The following AP4S1 variants were observed in gnomAD, a reference collection of about 807,000 sequenced individuals.
AP4S1 encodes the protein AP-4 complex subunit sigma-1.
AP4S1 carries 23 observed loss-of-function variants against 19.8 expected under a neutral mutation model. The observed-to-expected ratio is 1.16, with a 90% CI of 0.84 to 1.65. The LOEUF is 1.65. Among genes scored for constraint, AP4S1 ranks in the 40% most tolerant of loss-of-function variants. The pLI is 0.00. For missense variants in AP4S1, 166 were observed against 172.8 expected, an observed-to-expected ratio of 0.96 and a Z score of 0.22; for synonymous variants, 46 against 54.1, an observed-to-expected ratio of 0.85 and a Z score of 0.66.
At chr14:31,074,312 G>A (rs111969642) in intron 4 of AP4S1, among the ~76,000 whole-genome samples, 16,035 of 148,170 alleles carry the variant, frequency 0.11, 2,919 homozygotes, top group African/African-American at 0.37. Flanking sequence ...GTGACAGGGC[G>A]AGACTCCGTC....
intron 5 of AP4S1, among the ~76,000 whole-genome samples, chr14:31,089,111 G>A (rs1451629123): frequency 6.8e-6 from 1 of 148,056 alleles, no homozygotes; most frequent in African/African-American, 2.5e-5. Context: ...AGTGAGCCAA[G>A]ATTGTGCCAC....
intron 5 of AP4S1, among the ~76,000 whole-genome samples, chr14:31,082,667 C>T (rs1437024362): frequency 6.6e-6 from 1 of 152,032 alleles, no homozygotes; most frequent in Non-Finnish European, 1.5e-5. Context: ...GAGGCCGAGG[C>T]GGGTGGATCA....
chr14:31,041,948 C>T (rs1885134184), intron 1 of AP4S1, among the ~76,000 whole-genome samples: 1 of 152,214 alleles, frequency 6.6e-6, no homozygotes, highest in South Asian at 2.1e-4. Flanking sequence ...CCTGCTTCAG[C>T]CTCCGTAGTA....
intron 1 of AP4S1, among the ~76,000 whole-genome samples, chr14:31,059,930 AATAT>A (rs577575338): frequency 6.8e-6 from 1 of 146,910 alleles, no homozygotes; most frequent in Admixed American, 6.9e-5. Flanking sequence ...AGGACAAAAA[AATAT>A]ATATATATAT....
At chr14:31,083,628 C>T in intron 5 of AP4S1, 1 of 446,466 alleles carries the variant, frequency 2.2e-6, no homozygotes, top group South Asian at 1.6e-5. Flanking sequence ...CCTCAGCCTC[C>T]CAAGTAGCTG....
chr14:31,068,939 C>T (rs893302990), intron 2 of AP4S1, among the ~76,000 whole-genome samples: 6 of 152,098 alleles, frequency 3.9e-5, no homozygotes, highest in East Asian at 1.9e-4. Context: ...GTGAGCCAAA[C>T]GCTGCAGAAT....
intron 1 of AP4S1, among the ~76,000 whole-genome samples, chr14:31,037,070 C>T (rs137986917): frequency 2.0e-3 from 298 of 152,162 alleles, no homozygotes; most frequent in Non-Finnish European, 3.1e-3. Context: ...CCTCGGCCTC[C>T]GAAAGTGCTG....
In AP4S1 at chr14:31,026,074, C is replaced by T. The variant is rs1054570654; in HGVS notation, c.-72+287C>T. 3 of 1,529,828 alleles carry T rather than the reference C, an allele frequency of 2.0e-6. No individual in the cohort carries two copies. The highest frequency in any genetic ancestry group is 2.6e-6 in the Non-Finnish European group (3 of 1,139,068). The allele number at this position is 1,529,828 out of a possible 1,614,324, so 94.8% of individuals were successfully genotyped here. On this transcript the variant is annotated intron_variant, in intron 1 of 5. Coordinates refer to ENST00000542754, the MANE Select transcript of AP4S1 (RefSeq NM_001128126.3). ...GAGGCCGGAGGACCCCCGCCGCCCG[C>T]CGCTCCGTTCCCCCCGGGCGAAAGG...
chr14:31,056,092 G>A (rs111683124), intron 1 of AP4S1, among the ~76,000 whole-genome samples: 8 of 152,078 alleles, frequency 5.3e-5, no homozygotes, highest in Admixed American at 2.0e-4. Flanking sequence ...TGATCTGCCC[G>A]CCTCGGCCTC....
At chr14:31,054,249 G>A (rs1367240965) in intron 1 of AP4S1, among the ~76,000 whole-genome samples, 1 of 152,134 alleles carries the variant, frequency 6.6e-6, no homozygotes, top group East Asian at 1.9e-4. Flanking sequence ...TTAAAAATCA[G>A]TTGGTCATAT....
At chr14:31,051,759 C>G (rs2139501129) in intron 1 of AP4S1, among the ~76,000 whole-genome samples, 1 of 152,248 alleles carries the variant, frequency 6.6e-6, no homozygotes, top group East Asian at 1.9e-4. Flanking sequence ...CTCCCGGGTT[C>G]AGGCAATTCC....
At position 31,093,079 on chromosome 14, in the gene AP4S1, G is replaced by A. The variant is rs768889951; in HGVS notation, c.*44G>A. 5.9e-6 allele frequency: 9 copies of A among 1,535,150 alleles called. No individual in the cohort carries two copies. Among genetic ancestry groups the A allele is most frequent in the African/African-American group, 5.5e-5 (4 of 72,402 alleles). The stretch of plus-strand genomic sequence containing the variant: ...CAATATGGATTTATCAGAAATGCGA[G>A]TACCGTGGAATACATCTCAACATGT... On this transcript the variant is annotated 3_prime_UTR_variant, in exon 6 of 6. Transcript: ENST00000542754.
intron 1 of AP4S1, among the ~76,000 whole-genome samples, chr14:31,054,088 T>A (rs544866127): frequency 1.3e-5 from 2 of 152,214 alleles, no homozygotes; most frequent in Non-Finnish European, 2.9e-5. Flanking sequence ...CATTCTTTCA[T>A]TTATTCAGTT....
intron 1 of AP4S1, 40 bp from the exon 2 acceptor site, chr14:31,066,086 T>G: frequency 3.0e-6 from 3 of 984,082 alleles, no homozygotes; most frequent in Non-Finnish European, 4.7e-6. Flanking sequence ...TTGAGAAATT[T>G]GATCTTGCCT....
At position 31,074,759 on chromosome 14, in the gene AP4S1, T is replaced by TAACATC. The variant is rs1887266114; in HGVS notation, c.294+1786_294+1787insAACATC. 2.0e-5 allele frequency among the ~76,000 whole-genome samples: 3 copies of TAACATC among 152,074 alleles called. No individual in the cohort carries two copies. The East Asian group carries it at 5.8e-4, about 29-fold the overall frequency. On this transcript the variant is annotated intron_variant, in intron 4 of 5. Transcript: ENST00000542754. Reference sequence around the variant, plus strand: ...GTGACAGATACTCAGGAGGATGAGGTGGGAGGATGTTAGGAAATTTCATCA... The same window carrying TAACATC: ...GTGACAGATACTCAGGAGGATGAGGTAACATCGGGAGGATGTTAGGAAATTTCATCA...
intron 1 of AP4S1, among the ~76,000 whole-genome samples, chr14:31,048,095 T>A (rs1421396321): frequency 6.8e-6 from 1 of 146,868 alleles, no homozygotes; most frequent in East Asian, 2.0e-4. Flanking sequence ...TTTCTTTAAT[T>A]TTTTTTTTTT....
chr14:31,084,678 G>A, intron 5 of AP4S1: 1 of 1,584,374 alleles, frequency 6.3e-7, no homozygotes, highest in Non-Finnish European at 8.6e-7. Flanking sequence ...GATTTGTGAA[G>A]CCTGTTTCTA....
intron 1 of AP4S1, among the ~76,000 whole-genome samples, chr14:31,048,730 C>CT (rs1375691873): frequency 1.3e-5 from 2 of 152,042 alleles, no homozygotes; most frequent in East Asian, 1.9e-4. Context: ...CAGTGAGACT[C>CT]TGTCTCCAAA....
At chr14:31,077,882 C>T (rs1415864469) in intron 4 of AP4S1, among the ~76,000 whole-genome samples, 1 of 151,734 alleles carries the variant, frequency 6.6e-6, no homozygotes. Flanking sequence ...ATGACAGGCA[C>T]GTGCCACCAC....
Sources: allele counts gnomAD v4.1 joint callset (sites outside exome capture counted in the v4.1 genomes callset), GRCh38; gene constraint gnomAD v4.1.1; transcripts MANE v1.5; gene names NCBI Gene and HGNC (gene_info 2026-07-23, HGNC 2026-07-21).